CRADD: variants seen among roughly 807,000 people sequenced by gnomAD.
CRADD encodes the protein CARD and death domain containing adaptor protein, also known as death domain-containing protein CRADD.
In CRADD, 9 loss-of-function variants were observed where a neutral mutation model predicts 15.5. The ratio of observed to expected loss-of-function variants is 0.58; its 90% CI spans 0.35 to 1.01. CRADD has a LOEUF of 1.01. Ranked by LOEUF, CRADD falls within the 50% of genes least tolerant of loss-of-function variation. CRADD has a pLI of 0.02. For missense variants in CRADD, 227 were observed against 250.3 expected (o/e 0.91, Z 0.63); for synonymous variants, 118 against 107.6 (o/e 1.10, Z -0.60).
intron 2 of CRADD, among the ~76,000 whole-genome samples, chr12:93,773,210 A>G (rs1957103094): frequency 1.3e-5 from 2 of 152,186 alleles, no homozygotes; most frequent in African/African-American, 4.8e-5. Flanking sequence ...TCCAAATCTC[A>G]GTGGTTTAAC....
At chr12:93,882,142 C>T (rs1294067857) in intron 2 of CRADD, among the ~76,000 whole-genome samples, 1 of 149,594 alleles carries the variant, frequency 6.7e-6, no homozygotes, top group African/African-American at 2.5e-5. Context: ...TTAAAAAAGG[C>T]CAGGCACGGT....
intron 2 of CRADD, among the ~76,000 whole-genome samples, chr12:93,698,097 CT>C (rs1396267812): frequency 3.9e-5 from 6 of 152,092 alleles, no homozygotes; most frequent in African/African-American, 1.4e-4. Context: ...TTACAACCTG[CT>C]TTAAGGGAGA....
rs549011938 is a variant in CRADD, at chr12:93,766,792, T to G, written c.299-83178T>G. Among the ~76,000 whole-genome samples the G allele has an allele frequency of 1.1e-4, 16 of 152,360 alleles. No homozygotes were observed. The South Asian group carries it at 1.4e-3, about 14-fold the overall frequency. On this transcript the variant is annotated intron_variant, in intron 2 of 2. Transcript: ENST00000332896. ...AAAGAGTCAGACTTTCTATTTGGAA[T>G]GTAAGCTCCTTGAGGGCACTGAGCT...
Position 93,849,972 on chromosome 12 carries a change from G to A in CRADD, c.301G>A (p.Asp101Asn), listed in dbSNP as rs751706728. Residue 101 changes from aspartate (D) to asparagine (N), a missense_variant and splice_region_variant, in exon 3 of 3, where the codon GAC becomes AAC. Coordinates refer to ENST00000332896, the MANE Select transcript of CRADD (RefSeq NM_003805.5). Reference protein sequence around the residue: ...EEAMTDLPAGDRLTGIPSHIL... With the variant: ...EEAMTDLPAGNRLTGIPSHIL... The stretch of plus-strand genomic sequence containing the variant: ...CGGGGTGTCTTTTTCCTCCTCAGGT[G>A]ACAGATTGACTGGGATCCCCTCGCA... 3 of 1,588,340 alleles carry A rather than the reference G, an allele frequency of 1.9e-6. No homozygotes were observed. Among genetic ancestry groups the A allele is most frequent in the Non-Finnish European group, 1.7e-6 (2 of 1,156,644 alleles).
intron 2 of CRADD, among the ~76,000 whole-genome samples, chr12:93,735,287 G>C (rs562150564): frequency 5.1e-4 from 77 of 152,304 alleles, no homozygotes; most frequent in African/African-American, 1.8e-3. Flanking sequence ...CAGGTTTCTT[G>C]TGTTTTACTA....
At position 93,824,180 on chromosome 12, in the gene CRADD, C is replaced by T. The variant is rs1323961620; in HGVS notation, c.299-25790C>T. 6.6e-6 allele frequency among the ~76,000 whole-genome samples: 1 copy of T among 152,146 alleles called. No homozygotes were observed. Among genetic ancestry groups the T allele is most frequent in the African/African-American group, 2.4e-5 (1 of 41,432 alleles). On this transcript the variant is annotated intron_variant, in intron 2 of 2. Transcript: ENST00000332896. The surrounding 1 kb of genome is among the most constrained non-coding windows in gnomAD (Gnocchi z 4.3). ...GTGTAAGCTCAGTGGCAATGTTACC[C>T]TCACCTCTAGGCTGCTGTAGGACAC...
At chr12:93,698,591 T>C (rs1955768673) in intron 2 of CRADD, among the ~76,000 whole-genome samples, 1 of 152,216 alleles carries the variant, frequency 6.6e-6, no homozygotes, top group Non-Finnish European at 1.5e-5. Flanking sequence ...TGTTTCAAAG[T>C]GTTTCACTAG....
intron 2 of CRADD, among the ~76,000 whole-genome samples, chr12:93,847,151 G>A (rs2137047245): frequency 6.6e-6 from 1 of 152,132 alleles, no homozygotes; most frequent in Non-Finnish European, 1.5e-5. Flanking sequence ...GATGTAGAAT[G>A]GATAACATAT....
chr12:93,763,355 A>C (rs970070810), intron 2 of CRADD, among the ~76,000 whole-genome samples: 1 of 144,906 alleles, frequency 6.9e-6, no homozygotes, highest in Non-Finnish European at 1.5e-5. Flanking sequence ...GTGAGTGGAA[A>C]CTAACTTCCT....
At chr12:93,702,899 C>T (rs1050159327) in intron 2 of CRADD, among the ~76,000 whole-genome samples, 11 of 152,132 alleles carry the variant, frequency 7.2e-5, no homozygotes, top group African/African-American at 2.7e-4. Context: ...TTAAATTGGA[C>T]AGAATCACCT....
At chr12:93,702,471 C>T (rs2136838951) in intron 2 of CRADD, among the ~76,000 whole-genome samples, 2 of 151,974 alleles carry the variant, frequency 1.3e-5, no homozygotes, top group Middle Eastern at 6.8e-3. Context: ...TGTTTCTCAC[C>T]TTAAGAAAAT....
intron 2 of CRADD, among the ~76,000 whole-genome samples, chr12:93,823,298 CAAA>C (rs66639212): frequency 8.6e-5 from 12 of 139,760 alleles, no homozygotes; most frequent in East Asian, 2.1e-4. Flanking sequence ...GTCTCAAAAA[CAAA>C]AAAAAAAAAA....
At chr12:93,837,886 C>T (rs542007727) in intron 2 of CRADD, 2 of 152,320 alleles carry the variant, frequency 1.3e-5, no homozygotes, top group South Asian at 4.1e-4. Context: ...TTATACTACC[C>T]AGGCTTCCTA....
chr12:93,689,534 G>A (rs1239597836), intron 2 of CRADD, among the ~76,000 whole-genome samples: 4 of 152,160 alleles, frequency 2.6e-5, no homozygotes, highest in Non-Finnish European at 4.4e-5. Flanking sequence ...GAAGAAGTTT[G>A]GGGCAGGTTT....
At chr12:93,862,323 G>A (rs995243045) in intron 2 of CRADD, among the ~76,000 whole-genome samples, 1 of 152,188 alleles carries the variant, frequency 6.6e-6, no homozygotes, top group East Asian at 1.9e-4. Flanking sequence ...CATACACCCC[G>A]AGGATAATTC....
chr12:93,679,680 G>A (rs1955239514), intron 2 of CRADD, among the ~76,000 whole-genome samples: 1 of 152,196 alleles, frequency 6.6e-6, no homozygotes, highest in African/African-American at 2.4e-5. Flanking sequence ...TGGGAAGCAT[G>A]TTCTCATCAG....
At chr12:93,799,550 C>T (rs1444829455) in intron 2 of CRADD, among the ~76,000 whole-genome samples, 2 of 152,100 alleles carry the variant, frequency 1.3e-5, no homozygotes, top group Admixed American at 6.6e-5. Flanking sequence ...ATCAGTCTGC[C>T]GTTTTCTTTT....
At chr12:93,885,503 T>C (rs1290105674) in intron 2 of CRADD, among the ~76,000 whole-genome samples, 5 of 150,222 alleles carry the variant, frequency 3.3e-5, no homozygotes, top group Non-Finnish European at 5.9e-5. Context: ...TGAGTATGTG[T>C]TCCCTGTGAG....
intron 2 of CRADD, among the ~76,000 whole-genome samples, chr12:93,825,870 C>A (rs2137024006): frequency 6.6e-6 from 1 of 152,370 alleles, no homozygotes; most frequent in South Asian, 2.1e-4. Flanking sequence ...CTCCTTCCAT[C>A]TCCCTGATGG....
Sources: gnomAD v4.1 joint callset for allele counts (sites outside exome capture counted in the v4.1 genomes callset) on GRCh38, gnomAD v4.1.1 for gene constraint, Gnocchi (gnomAD v3.1) non-coding constraint, MANE v1.5 for transcripts, NCBI Gene and HGNC (gene_info 2026-07-23, HGNC 2026-07-21) for gene names.